Variants in CCDC60 observed in about 807,000 individuals in gnomAD.
The protein encoded by CCDC60 is coiled-coil domain containing 60, also known as coiled-coil domain-containing protein 60.
In CCDC60, 54 loss-of-function variants were observed where a neutral mutation model predicts 63.5. That is an observed-to-expected ratio of 0.85 (90% CI 0.68 to 1.07). The LOEUF is 1.07. CCDC60 is among the 50% of genes least tolerant of loss of function. CCDC60 has a pLI of 0.00. For synonymous variants in CCDC60, 206 were observed against 238.8 expected (o/e 0.86, Z 1.27); for missense variants, 651 against 684.3 (o/e 0.95, Z 0.54).
intron 7 of CCDC60, among the ~76,000 whole-genome samples, chr12:119,512,957 A>G (rs1226980067): frequency 6.6e-6 from 1 of 152,002 alleles, no homozygotes; most frequent in Non-Finnish European, 1.5e-5. Context: ...CTGTCTGTGT[A>G]TTTTCTCCTC....
Position 119,420,609 on chromosome 12 carries a change from C to T in CCDC60, c.91-8074C>T, listed in dbSNP as rs4638360. Among the ~76,000 whole-genome samples, 74,133 of 151,728 alleles carry T rather than the reference C, an allele frequency of 0.49. 19,238 individuals are homozygous for T. Among genetic ancestry groups the T allele is most frequent in the East Asian group, 0.86 (4,402 of 5,140 alleles). On this transcript the variant is annotated intron_variant, in intron 1 of 13. Coordinates refer to ENST00000327554, the MANE Select transcript of CCDC60 (RefSeq NM_178499.5). The surrounding 1 kb of genome is among the most constrained non-coding windows in gnomAD (Gnocchi z 4.1). ...GGGGGCAGAAGGTGGGAATGGCTAA[C>T]GGGTACCAAAAAAATAGAAAGAATG...
chr12:119,386,077 A>C (rs1294809134), intron 1 of CCDC60, among the ~76,000 whole-genome samples: 2 of 152,212 alleles, frequency 1.3e-5, no homozygotes, highest in Non-Finnish European at 2.9e-5. Context: ...CCATTCAACC[A>C]TTTATTTGTT....
intron 1 of CCDC60, among the ~76,000 whole-genome samples, chr12:119,348,614 A>C (rs1955621548): frequency 6.6e-6 from 1 of 152,188 alleles, no homozygotes; most frequent in Non-Finnish European, 1.5e-5. Flanking sequence ...GAATCTCGTG[A>C]AGATTCAAGA....
At chr12:119,478,369 CA>C (rs949030194) in intron 3 of CCDC60, among the ~76,000 whole-genome samples, 7 of 119,298 alleles carry the variant, frequency 5.9e-5, no homozygotes, top group South Asian at 2.9e-4. Flanking sequence ...CACCCCCCCC[CA>C]AAAAAAATCC....
chr12:119,497,750 GAA>G (rs5801342), intron 5 of CCDC60, among the ~76,000 whole-genome samples: 79 of 147,202 alleles, frequency 5.4e-4, no homozygotes, highest in African/African-American at 1.6e-3. Context: ...GCTCCAAAGT[GAA>G]AAAAAAAAAA....
intron 1 of CCDC60, among the ~76,000 whole-genome samples, chr12:119,376,061 C>A (rs751763936): frequency 6.6e-6 from 1 of 152,216 alleles, no homozygotes; most frequent in Non-Finnish European, 1.5e-5. Flanking sequence ...AGAGAGCCCA[C>A]ACACCCACGC....
At chr12:119,336,548 T>C (rs1016536229) in intron 1 of CCDC60, among the ~76,000 whole-genome samples, 1 of 152,180 alleles carries the variant, frequency 6.6e-6, no homozygotes, top group African/African-American at 2.4e-5. Flanking sequence ...GCATATCCCC[T>C]CTCTCTATGG....
In CCDC60 at chr12:119,439,775, AG is replaced by A. The variant is rs530807180; in HGVS notation, c.170+11014del. ...AGTGCACAGTGATATTTTCAAGCTC[AG>A]TAAAGTCCAATAGCAAAGAAGCCTA... On this transcript the variant is annotated intron_variant, in intron 2 of 13. Coordinates refer to ENST00000327554, the MANE Select transcript of CCDC60 (RefSeq NM_178499.5). Among the ~76,000 whole-genome samples the A allele has an allele frequency of 3.9e-5, 6 of 152,340 alleles. No homozygotes were observed. In the South Asian group the frequency reaches 1.2e-3, roughly 32 times the overall value.
intron 5 of CCDC60, among the ~76,000 whole-genome samples, chr12:119,493,888 T>C (rs142854214): frequency 0.014 from 2,165 of 152,254 alleles, 52 homozygotes; most frequent in African/African-American, 0.049. Context: ...ATATGATACA[T>C]GTGCCATATA....
rs148351195 is a variant in CCDC60, at chr12:119,414,747, T to C, written c.91-13936T>C. On this transcript the variant is annotated intron_variant, in intron 1 of 13. Coordinates refer to ENST00000327554, the MANE Select transcript of CCDC60 (RefSeq NM_178499.5). ...TTTGTTTTTTGTAGAGAGAGAGGTC[T>C]CACTATGTTGCCCAGGCTGGTCTCA... Among the ~76,000 whole-genome samples, 54 of 152,248 alleles carry C rather than the reference T, an allele frequency of 3.5e-4. 1 individual carries two copies. In the East Asian group the frequency reaches 3.7e-3, roughly 10 times the overall value.
At chr12:119,411,647 A>G (rs146772449) in intron 1 of CCDC60, among the ~76,000 whole-genome samples, 1 of 152,238 alleles carries the variant, frequency 6.6e-6, no homozygotes, top group East Asian at 1.9e-4. Context: ...AAGGAACCAG[A>G]CAGAGCTGGT....
At chr12:119,384,937 T>TG (rs35039180) in intron 1 of CCDC60, among the ~76,000 whole-genome samples, 20,847 of 152,198 alleles carry the variant, frequency 0.14, 1,726 homozygotes, top group Non-Finnish European at 0.19. Context: ...AAACATTGAG[T>TG]GGGGGGGCTG....
At chr12:119,366,060 T>TA (rs1046274042) in intron 1 of CCDC60, among the ~76,000 whole-genome samples, 30 of 152,184 alleles carry the variant, frequency 2.0e-4, no homozygotes, top group Non-Finnish European at 4.1e-4. Flanking sequence ...AATAGACAGA[T>TA]AGATATACAC....
intron 2 of CCDC60, among the ~76,000 whole-genome samples, chr12:119,455,119 GGTT>G (rs144048476): frequency 0.22 from 33,782 of 152,106 alleles, 3,750 homozygotes; most frequent in Admixed American, 0.28. Context: ...TGTTTGTGGT[GGTT>G]GTTGTTTGAT....
chr12:119,507,467 CAT>C (rs1447802602), intron 7 of CCDC60, among the ~76,000 whole-genome samples: 1 of 143,354 alleles, frequency 7.0e-6, no homozygotes, highest in Non-Finnish European at 1.5e-5. Flanking sequence ...TATACACATA[CAT>C]ATATATACAT....
At chr12:119,337,723 A>C (rs1323016058) in intron 1 of CCDC60, among the ~76,000 whole-genome samples, 3 of 152,066 alleles carry the variant, frequency 2.0e-5, no homozygotes, top group African/African-American at 7.2e-5. Context: ...AAACGTTATA[A>C]TGCAGGTTGA....
chr12:119,516,763 A>C (rs1952365982), intron 8 of CCDC60, 56 bp downstream of exon 8: 1 of 1,235,690 alleles, frequency 8.1e-7, no homozygotes. Flanking sequence ...CAATCACATT[A>C]ACAGTAGTAG....
At chr12:119,397,217 G>A (rs989511160) in intron 1 of CCDC60, among the ~76,000 whole-genome samples, 8 of 152,208 alleles carry the variant, frequency 5.3e-5, no homozygotes, top group Admixed American at 4.6e-4. Context: ...GCAGCAGCAA[G>A]AGTTATTGCC....
intron 13 of CCDC60, among the ~76,000 whole-genome samples, chr12:119,539,858 G>A (rs1269784162): frequency 6.6e-6 from 1 of 152,226 alleles, no homozygotes; most frequent in Non-Finnish European, 1.5e-5. Flanking sequence ...TGGAGACCAT[G>A]GGAAAAGCGT....
Sources: allele counts gnomAD v4.1 joint callset (sites outside exome capture counted in the v4.1 genomes callset), GRCh38; gene constraint gnomAD v4.1.1; non-coding constraint Gnocchi (gnomAD v3.1); transcripts MANE v1.5; gene names NCBI Gene and HGNC (gene_info 2026-07-23, HGNC 2026-07-21).